Variants in CRTAC1 observed in about 807,000 individuals in gnomAD.
CRTAC1 encodes the protein acidic secreted protein in cartilage.
A neutral mutation model predicts 67.8 loss-of-function variants in CRTAC1; 37 were observed. That is an observed-to-expected ratio of 0.55 (90% CI 0.42 to 0.72). CRTAC1 has a LOEUF of 0.72. Ranked by LOEUF, CRTAC1 falls within the 30% of genes least tolerant of loss-of-function variation. The pLI is 0.00. For missense variants in CRTAC1, 780 were observed against 931.6 expected, an observed-to-expected ratio of 0.84 and a Z score of 2.12; for synonymous variants, 348 against 371.0, an observed-to-expected ratio of 0.94 and a Z score of 0.71.
chr10:97,966,271 A>T (rs2051614722), intron 2 of CRTAC1, among the ~76,000 whole-genome samples: 1 of 152,134 alleles, frequency 6.6e-6, no homozygotes, highest in Non-Finnish European at 1.5e-5. Context: ...CCACTACACC[A>T]GCTAATTTTT....
chr10:97,991,556 T>A (rs1346302440), intron 2 of CRTAC1, among the ~76,000 whole-genome samples: 4 of 152,190 alleles, frequency 2.6e-5, no homozygotes, highest in African/African-American at 9.7e-5. Flanking sequence ...TCCTGTTATA[T>A]TAGGTATTAA....
chr10:98,030,544 CG>C lies in CRTAC1; in HGVS notation c.-73del. ...TCGCTGCCGCCTCTGCCGCCGGCGC[CG>C]CCGCCTGCTTGCTCCCAGCCCCGGT... On this transcript the variant is annotated 5_prime_UTR_variant, in exon 1 of 15. Coordinates refer to ENST00000370597, the MANE Select transcript of CRTAC1 (RefSeq NM_018058.7). The surrounding 1 kb of genome is among the most constrained non-coding windows in gnomAD (Gnocchi z 4.2). 2 of 1,094,586 alleles carry C rather than the reference CG, an allele frequency of 1.8e-6. No homozygotes were observed. The allele number at this position is 1,094,586 out of a possible 1,614,324, so 67.8% of individuals were successfully genotyped here. A position where few individuals can be genotyped will look rare whatever the true frequency, so the allele number is the denominator to read the frequency against.
intron 14 of CRTAC1, 120 bp from the exon 15 acceptor site, chr10:97,865,834 G>A: frequency 9.0e-7 from 1 of 1,116,788 alleles, no homozygotes. Context: ...GGGAGGGAGG[G>A]TGACGGGCCT....
chr10:97,878,337 A>T (rs2050170271), intron 14 of CRTAC1: 3 of 185,734 alleles, frequency 1.6e-5, no homozygotes, highest in Non-Finnish European at 3.4e-5. Context: ...GTTTTAATTT[A>T]AAAACTTTTC....
chr10:97,877,140 G>T (rs2050157698), intron 14 of CRTAC1, among the ~76,000 whole-genome samples: 2 of 151,972 alleles, frequency 1.3e-5, no homozygotes, highest in Admixed American at 1.3e-4. Flanking sequence ...TTGTCATACA[G>T]GATATTCTCA....
At position 97,901,578 on chromosome 10, in the gene CRTAC1, A is replaced by G; in HGVS notation, c.1058T>C (p.Phe353Ser). The G allele has an allele frequency of 6.2e-7, 1 of 1,614,202 alleles. No homozygotes were observed. Among genetic ancestry groups the G allele is most frequent in the Non-Finnish European group, 8.5e-7 (1 of 1,180,048 alleles). The stretch of plus-strand genomic sequence containing the variant: ...GATCTCCAGCTCCTGGTCATTGTCA[A>G]AGTCGGCGGTGATGACCGTGCGGAC... Reference protein sequence around the residue: ...SPVRTVITADFDNDQELEIFF... With the variant: ...SPVRTVITADSDNDQELEIFF... Residue 353 changes from phenylalanine to serine, a missense_variant, in exon 8 of 15, where the codon TTT becomes TCT. Physicochemically the swap from Phe to Ser is radical, Grantham distance 155. Transcript: ENST00000370597.
chr10:97,994,936 C>T (rs1842526796), intron 2 of CRTAC1, among the ~76,000 whole-genome samples: 1 of 152,150 alleles, frequency 6.6e-6, no homozygotes, highest in South Asian at 2.1e-4. Flanking sequence ...CAGGATAGCT[C>T]CCAAGCAGGG....
intron 5 of CRTAC1, among the ~76,000 whole-genome samples, chr10:97,914,265 G>A (rs2050727987): frequency 6.6e-6 from 1 of 152,172 alleles, no homozygotes; most frequent in Non-Finnish European, 1.5e-5. Flanking sequence ...GGCTGGGCCT[G>A]CTTCTCTTGT....
chr10:97,925,348 G>A (rs2050896945), intron 3 of CRTAC1, among the ~76,000 whole-genome samples: 1 of 152,052 alleles, frequency 6.6e-6, no homozygotes, highest in Admixed American at 6.6e-5. Context: ...TGGTAGGTGT[G>A]AGAGTGAGAC....
chr10:97,958,265 G>C (rs959770432), intron 2 of CRTAC1, among the ~76,000 whole-genome samples: 1 of 152,192 alleles, frequency 6.6e-6, no homozygotes, highest in Non-Finnish European at 1.5e-5. Context: ...TTCTCAGGCT[G>C]GGGGAGAGGG....
chr10:97,904,484 C>G (rs184780191), intron 7 of CRTAC1, among the ~76,000 whole-genome samples, 185 bp downstream of exon 7: 36 of 152,256 alleles, frequency 2.4e-4, no homozygotes, highest in African/African-American at 8.7e-4. Context: ...TGCAGTAGCA[C>G]GATCTCAGCT....
intron 11 of CRTAC1, among the ~76,000 whole-genome samples, chr10:97,893,648 T>C (rs1343629586): frequency 6.6e-6 from 1 of 152,166 alleles, no homozygotes; most frequent in Non-Finnish European, 1.5e-5. Flanking sequence ...TCACCCAGTT[T>C]CACCCAATGG....
Position 97,936,426 on chromosome 10 carries a change from C to T in CRTAC1, c.225-60G>A, listed in dbSNP as rs577480979. 91 of 1,412,514 alleles carry T rather than the reference C, an allele frequency of 6.4e-5. No individual in the cohort carries two copies. In the African/African-American group the frequency reaches 1.2e-3, roughly 18 times the overall value. 87.5% of individuals were successfully genotyped at this position (1,412,514 alleles called of 1,614,324 possible). A position where few individuals can be genotyped will look rare whatever the true frequency, so the allele number is the denominator to read the frequency against. ...AGCCGCTGGGCCCACCCAGTCCCAT[C>T]CAACCAGAGCAACGGGCTGGGAGTC... On this transcript the variant is annotated intron_variant, in intron 2 of 14. Coordinates refer to ENST00000370597, the MANE Select transcript of CRTAC1 (RefSeq NM_018058.7).
chr10:97,951,032 C>T (rs1262086885), intron 2 of CRTAC1, among the ~76,000 whole-genome samples: 1 of 152,140 alleles, frequency 6.6e-6, no homozygotes, highest in Non-Finnish European at 1.5e-5. Flanking sequence ...GGTGAAATTC[C>T]CCCACAATGA....
rs572104717 is a variant in CRTAC1 at position 97,959,711 on chromosome 10, C to T, written c.225-23345G>A. On this transcript the variant is annotated intron_variant, in intron 2 of 14. Coordinates refer to ENST00000370597, the MANE Select transcript of CRTAC1 (RefSeq NM_018058.7). Reference sequence around the variant, plus strand: ...GCCATAGGTAAGGCGGATATGTTGTCCAGCCCACTGCCACTGGACTCTCTC... The same window carrying T: ...GCCATAGGTAAGGCGGATATGTTGTTCAGCCCACTGCCACTGGACTCTCTC... Among the ~76,000 whole-genome samples, 8 of 152,338 alleles carry T rather than the reference C, an allele frequency of 5.3e-5. No homozygotes were observed. In the East Asian group the frequency reaches 1.5e-3, roughly 29 times the overall value.
chr10:97,913,202 C>T (rs2050713415), intron 5 of CRTAC1, among the ~76,000 whole-genome samples: 2 of 152,150 alleles, frequency 1.3e-5, no homozygotes, highest in African/African-American at 4.8e-5. Context: ...GTAACAGGGT[C>T]TCTCATCCTA....
At chr10:98,000,886 A>C (rs1158333736) in intron 2 of CRTAC1, among the ~76,000 whole-genome samples, 2 of 152,250 alleles carry the variant, frequency 1.3e-5, no homozygotes, top group Admixed American at 1.3e-4. Context: ...TGGCAAAAGG[A>C]CATAGACATG....
At chr10:97,926,061 G>A (rs926499451) in intron 3 of CRTAC1, among the ~76,000 whole-genome samples, 8 of 152,140 alleles carry the variant, frequency 5.3e-5, no homozygotes, top group South Asian at 2.1e-4. Flanking sequence ...CCTGCTGTCC[G>A]GAGAAGCCTG....
At chr10:97,867,714 T>G (rs576020133) in intron 14 of CRTAC1, 1 of 152,246 alleles carries the variant, frequency 6.6e-6, no homozygotes, top group East Asian at 1.9e-4. Context: ...TTTTTTTTTT[T>G]TCTTTTTCCA....
Sources: allele counts gnomAD v4.1 joint callset (sites outside exome capture counted in the v4.1 genomes callset), GRCh38; gene constraint gnomAD v4.1.1; non-coding constraint Gnocchi (gnomAD v3.1); transcripts MANE v1.5; gene names NCBI Gene and HGNC (gene_info 2026-07-23, HGNC 2026-07-21).